The following TTC27 variants were observed in gnomAD, a reference collection of about 807,000 sequenced individuals.
The protein encoded by TTC27 is tetratricopeptide repeat protein 27.
Under a neutral mutation model 115.9 loss-of-function variants are expected in TTC27, and 79 were observed. The ratio of observed to expected loss-of-function variants is 0.68; its 90% CI spans 0.57 to 0.82. TTC27 has a LOEUF of 0.82. TTC27 is among the 40% of genes least tolerant of loss of function. The pLI, the probability that TTC27 is intolerant of heterozygous loss-of-function variation, is 0.00. For synonymous variants in TTC27, 401 were observed against 356.0 expected (o/e 1.13, Z -1.42); for missense variants, 1,054 against 993.1 (o/e 1.06, Z -0.82).
intron 9 of TTC27, among the ~76,000 whole-genome samples, chr2:32,692,045 T>G (rs1222181808): frequency 1.7e-5 from 2 of 118,410 alleles, no homozygotes; most frequent in African/African-American, 6.3e-5. Flanking sequence ...GGTTTTTTTT[T>G]TTTTTTTTTT....
intron 7 of TTC27, among the ~76,000 whole-genome samples, chr2:32,670,605 G>GTT (rs199561705): frequency 1.4e-5 from 2 of 148,110 alleles, no homozygotes; most frequent in African/African-American, 2.5e-5. Flanking sequence ...GTGAACGTAA[G>GTT]TTTTTTTTTT....
At chr2:32,692,036 G>GTTTTTTGTTTTTTTTTTTTT (rs1666830895) in intron 9 of TTC27, among the ~76,000 whole-genome samples, 5 of 61,188 alleles carry the variant, frequency 8.2e-5, no homozygotes, top group Non-Finnish European at 1.4e-4. Context: ...AATTTTTTAG[G>GTTTTTTGTTTTTTTTTTTTT]TTTTTTTTTT....
At chr2:32,696,207 C>A (rs1666981541) in intron 9 of TTC27, among the ~76,000 whole-genome samples, 1 of 151,814 alleles carries the variant, frequency 6.6e-6, no homozygotes, top group Non-Finnish European at 1.5e-5. Flanking sequence ...TTGTGTATAT[C>A]AGAATGCTAT....
chr2:32,738,938 A>C (rs1181371501), intron 12 of TTC27, among the ~76,000 whole-genome samples: 2 of 152,248 alleles, frequency 1.3e-5, no homozygotes, highest in African/African-American at 4.8e-5. Context: ...AAGAACTGCC[A>C]AATTTTTCTG....
chr2:32,732,496 C>G (rs1033941071), intron 10 of TTC27, among the ~76,000 whole-genome samples: 1 of 152,202 alleles, frequency 6.6e-6, no homozygotes. Flanking sequence ...AGCCTCCCTG[C>G]TCAGAAACTG....
intron 18 of TTC27, among the ~76,000 whole-genome samples, chr2:32,814,655 A>G (rs1393525002): frequency 6.6e-6 from 1 of 152,198 alleles, no homozygotes; most frequent in Non-Finnish European, 1.5e-5. Context: ...TTGTAAAACC[A>G]TATTTTTACT....
intron 5 of TTC27, among the ~76,000 whole-genome samples, chr2:32,651,160 C>A (rs1665108709): frequency 6.6e-6 from 1 of 152,260 alleles, no homozygotes; most frequent in East Asian, 1.9e-4. Context: ...CCTTTCAGAT[C>A]CAACAGTATG....
intron 15 of TTC27, among the ~76,000 whole-genome samples, chr2:32,783,884 T>G (rs1670262108): frequency 6.6e-6 from 1 of 152,250 alleles, no homozygotes; most frequent in Non-Finnish European, 1.5e-5. Flanking sequence ...CTTTCAAACT[T>G]AATTTAATTT....
intron 9 of TTC27, among the ~76,000 whole-genome samples, chr2:32,681,076 C>T (rs920237917): frequency 1.3e-5 from 2 of 152,044 alleles, no homozygotes; most frequent in Non-Finnish European, 2.9e-5. Context: ...TTCTGCTTTC[C>T]TCCCACCCTC....
chr2:32,665,844 T>A (rs1235194125), intron 6 of TTC27, among the ~76,000 whole-genome samples: 4 of 152,104 alleles, frequency 2.6e-5, no homozygotes, highest in Non-Finnish European at 5.9e-5. Context: ...TGAGCTGAGA[T>A]CGCACCACTG....
intron 9 of TTC27, 120 bp from the exon 10 acceptor site, chr2:32,702,687 A>G (rs1247804841): frequency 1.5e-6 from 1 of 647,716 alleles, no homozygotes; most frequent in African/African-American, 1.9e-5. Flanking sequence ...AACTGGGAAG[A>G]TTTTCAAATC....
chr2:32,743,641 AC>A (rs1668720007), intron 12 of TTC27, among the ~76,000 whole-genome samples: 1 of 152,306 alleles, frequency 6.6e-6, no homozygotes, highest in African/African-American at 2.4e-5. Context: ...AGGATGGGGA[AC>A]CCCTCAAATA....
intron 16 of TTC27, among the ~76,000 whole-genome samples, chr2:32,808,860 CAT>C (rs1030460360): frequency 6.6e-6 from 1 of 152,196 alleles, no homozygotes; most frequent in African/African-American, 2.4e-5. Context: ...TTTTTCAAAA[CAT>C]GTTAATACCT....
chr2:32,665,596 C>T (rs1158633567), intron 6 of TTC27, among the ~76,000 whole-genome samples: 1 of 152,022 alleles, frequency 6.6e-6, no homozygotes, highest in African/African-American at 2.4e-5. Context: ...TATAGCCTTC[C>T]TATAAAAAAT....
intron 16 of TTC27, among the ~76,000 whole-genome samples, chr2:32,789,756 CA>C (rs566571657): frequency 7.3e-5 from 11 of 150,476 alleles, no homozygotes; most frequent in African/African-American, 2.4e-4. Context: ...CCTTTCTCTA[CA>C]AAAAAAATAC....
At chr2:32,774,644 T>C (rs992289530) in intron 13 of TTC27, among the ~76,000 whole-genome samples, 2 of 152,192 alleles carry the variant, frequency 1.3e-5, no homozygotes, top group African/African-American at 4.8e-5. Flanking sequence ...TTTATGATGT[T>C]CTGTTCTTAA....
At chr2:32,628,739 C>CTATT (rs35823725) in intron 1 of TTC27, among the ~76,000 whole-genome samples, 8,671 of 145,002 alleles carry the variant, frequency 0.06, 297 homozygotes, top group African/African-American at 0.076. Context: ...TTTATTTTAT[C>CTATT]TATTTATTTA....
At chr2:32,698,456 A>ATTATTATTATTATTATTATTT (rs908312474) in intron 9 of TTC27, among the ~76,000 whole-genome samples, 2 of 146,506 alleles carry the variant, frequency 1.4e-5, no homozygotes, top group East Asian at 2.0e-4. Context: ...TATTATTATT[A>ATTATTATTATTATTATTATTT]TTTTTTAGCA....
intron 15 of TTC27, among the ~76,000 whole-genome samples, chr2:32,783,981 A>G (rs970440099): frequency 1.8e-4 from 28 of 152,242 alleles, no homozygotes; most frequent in African/African-American, 6.0e-4. Flanking sequence ...CTGCTCTTGG[A>G]TGACATAAAT....
Sources: gnomAD v4.1 joint callset for allele counts (sites outside exome capture counted in the v4.1 genomes callset) on GRCh38, gnomAD v4.1.1 for gene constraint, MANE v1.5 for transcripts, NCBI Gene and HGNC (gene_info 2026-07-23, HGNC 2026-07-21) for gene names.